NR2F1-AS1: variants seen among roughly 807,000 people sequenced by gnomAD.
NR2F1-AS1 encodes the protein NR2F1 regulatory antisense RNA 1, also known as NR2F1 antisense RNA 1.
At chr5:93,467,639 C>T (rs1029022004) in intron 4 of NR2F1-AS1, among the ~76,000 whole-genome samples, 1 of 152,120 alleles carries the variant, frequency 6.6e-6, no homozygotes, top group Non-Finnish European at 1.5e-5. Context: ...TGGTAGAATC[C>T]TTTGTTAGAT....
At chr5:93,468,419 G>A (rs1463938914) in intron 4 of NR2F1-AS1, among the ~76,000 whole-genome samples, 1 of 152,110 alleles carries the variant, frequency 6.6e-6, no homozygotes, top group East Asian at 1.9e-4. Context: ...AGCATTTTTT[G>A]ATGTGTCTGT....
At chr5:93,477,882 G>A (rs1488899347) in intron 4 of NR2F1-AS1, among the ~76,000 whole-genome samples, 1 of 152,170 alleles carries the variant, frequency 6.6e-6, no homozygotes, top group Admixed American at 6.5e-5. Flanking sequence ...TCAATAAAGT[G>A]CCTTCTCATA....
At chr5:93,456,570 C>G (rs1749950912) in intron 4 of NR2F1-AS1, among the ~76,000 whole-genome samples, 2 of 151,962 alleles carry the variant, frequency 1.3e-5, no homozygotes, top group African/African-American at 4.8e-5. Context: ...CCTAGTAAGC[C>G]TTTTTGTAGA....
intron 4 of NR2F1-AS1, among the ~76,000 whole-genome samples, chr5:93,552,805 G>T (rs901843260): frequency 2.6e-5 from 4 of 152,010 alleles, no homozygotes; most frequent in African/African-American, 9.7e-5. Context: ...ACTGTAGCAA[G>T]TTACTTACAC....
intron 4 of NR2F1-AS1, among the ~76,000 whole-genome samples, chr5:93,431,556 C>A (rs959347073): frequency 6.6e-6 from 1 of 152,296 alleles, no homozygotes; most frequent in South Asian, 2.1e-4. Flanking sequence ...AGACACCAGG[C>A]AGCTTGCCAG....
chr5:93,521,449 T>C (rs763275170), intron 4 of NR2F1-AS1, among the ~76,000 whole-genome samples: 14 of 152,240 alleles, frequency 9.2e-5, no homozygotes, highest in Non-Finnish European at 1.3e-4. Context: ...GAGAAAATAT[T>C]TGCAAACTAT....
At chr5:93,471,101 C>A (rs1047071914) in intron 4 of NR2F1-AS1, among the ~76,000 whole-genome samples, 1 of 151,872 alleles carries the variant, frequency 6.6e-6, no homozygotes, top group Non-Finnish European at 1.5e-5. Context: ...TATTTGGCCT[C>A]TTTCTAAATT....
intron 4 of NR2F1-AS1, among the ~76,000 whole-genome samples, chr5:93,454,398 CTT>C (rs1429770626): frequency 2.0e-5 from 3 of 152,156 alleles, no homozygotes; most frequent in Non-Finnish European, 2.9e-5. Flanking sequence ...ATTTAGTAAG[CTT>C]TTGTGATATA....
At chr5:93,414,756 T>G (rs950308458) in intron 4 of NR2F1-AS1, among the ~76,000 whole-genome samples, 3 of 152,200 alleles carry the variant, frequency 2.0e-5, no homozygotes, top group Non-Finnish European at 2.9e-5. Flanking sequence ...CATGTACACT[T>G]GTAAATTTAT....
intron 2 of NR2F1-AS1, chr5:93,555,133 T>C (rs1752324254): frequency 6.6e-6 from 1 of 152,174 alleles, no homozygotes. Context: ...TCACCAAAAT[T>C]GGATGTCTTC....
chr5:93,490,432 G>T (rs1166662234), intron 4 of NR2F1-AS1, among the ~76,000 whole-genome samples: 6 of 151,782 alleles, frequency 4.0e-5, no homozygotes, highest in African/African-American at 1.2e-4. Flanking sequence ...TGGTGGTCAT[G>T]GTGATGATGG....
At chr5:93,563,215 A>T (rs757966185) in intron 2 of NR2F1-AS1, 1 of 152,228 alleles carries the variant, frequency 6.6e-6, no homozygotes, top group Non-Finnish European at 1.5e-5. Flanking sequence ...ATTTTTGTTA[A>T]CACCACACCA....
At chr5:93,562,133 T>C (rs1463135188) in intron 2 of NR2F1-AS1, among the ~76,000 whole-genome samples, 1 of 136,476 alleles carries the variant, frequency 7.3e-6, no homozygotes, top group Non-Finnish European at 1.5e-5. Flanking sequence ...GAATCGCTTC[T>C]GGCCAGGAGT....
intron 4 of NR2F1-AS1, among the ~76,000 whole-genome samples, chr5:93,440,898 T>C (rs992442470): frequency 6.6e-6 from 1 of 152,230 alleles, no homozygotes; most frequent in Non-Finnish European, 1.5e-5. Flanking sequence ...GAAAGGCCTG[T>C]ATACAGCAAC....
At chr5:93,575,427 T>C (rs1752873969) in intron 1 of NR2F1-AS1, among the ~76,000 whole-genome samples, 1 of 152,062 alleles carries the variant, frequency 6.6e-6, no homozygotes, top group South Asian at 2.1e-4. Context: ...GATAAATTGC[T>C]CAGCTTCAAG....
intron 4 of NR2F1-AS1, among the ~76,000 whole-genome samples, chr5:93,451,041 A>G (rs958085026): frequency 2.6e-5 from 4 of 152,096 alleles, no homozygotes; most frequent in African/African-American, 7.2e-5. Context: ...TGTAAAAACA[A>G]TAATCTGATC....
chr5:93,559,962 TCTATA>T lies in NR2F1-AS1; in HGVS notation n.413+3397_413+3401del, dbSNP rs373896779. Among the ~76,000 whole-genome samples the T allele has an allele frequency of 4.9e-3, 742 of 152,290 alleles. 7 individuals carry two copies. Among genetic ancestry groups the T allele is most frequent in the African/African-American group, 0.017 (693 of 41,554 alleles). ...GAAAAAATGGCACCAATAGACATAC[TCTATA>T]CAGGGTTGCCACAAACCTTCAATTT... On this transcript the variant is annotated intron_variant and non_coding_transcript_variant, in intron 2 of 5. Transcript: ENST00000660523.
At chr5:93,481,895 G>A (rs1054763634) in intron 4 of NR2F1-AS1, among the ~76,000 whole-genome samples, 4 of 151,962 alleles carry the variant, frequency 2.6e-5, no homozygotes, top group Non-Finnish European at 4.4e-5. Context: ...AAATGTATAG[G>A]AGGCAGCAAA....
intron 4 of NR2F1-AS1, among the ~76,000 whole-genome samples, chr5:93,519,616 A>C (rs186868209): frequency 1.3e-3 from 199 of 152,120 alleles, no homozygotes; most frequent in African/African-American, 4.5e-3. Flanking sequence ...TTTCCAAAGG[A>C]TATTTCCAAA....
Sources: allele counts gnomAD v4.1 joint callset (sites outside exome capture counted in the v4.1 genomes callset), GRCh38; gene constraint gnomAD v4.1.1; transcripts MANE v1.5; gene names NCBI Gene and HGNC (gene_info 2026-07-23, HGNC 2026-07-21).